KSR1: variants seen among roughly 807,000 people sequenced by gnomAD.
KSR1 encodes kinase suppressor of ras 1, also known as kinase suppressor of ras.
A neutral mutation model predicts 92.9 loss-of-function variants in KSR1; 35 were observed. The ratio of observed to expected loss-of-function variants is 0.38; its 90% CI spans 0.29 to 0.50. KSR1 has a LOEUF of 0.50. KSR1 is among the 20% of genes least tolerant of loss of function. KSR1 has a pLI of 0.94. For synonymous variants in KSR1, 467 were observed against 472.6 expected (o/e 0.99, Z 0.15); for missense variants, 972 against 1,158.5 (o/e 0.84, Z 2.34).
At chr17:27,536,065 C>A (rs2070740304) in intron 1 of KSR1, among the ~76,000 whole-genome samples, 1 of 152,206 alleles carries the variant, frequency 6.6e-6, no homozygotes, top group Non-Finnish European at 1.5e-5. Context: ...GTTGGAGCAG[C>A]GGCTTGTGCT....
chr17:27,470,014 G>GTA (rs1470834961), intron 1 of KSR1, among the ~76,000 whole-genome samples: 4 of 150,230 alleles, frequency 2.7e-5, no homozygotes, highest in Non-Finnish European at 1.5e-5. Flanking sequence ...GTGTGTGTGT[G>GTA]TGTGTGTGTG....
At chr17:27,512,461 G>A (rs546889062) in intron 1 of KSR1, among the ~76,000 whole-genome samples, 3 of 152,170 alleles carry the variant, frequency 2.0e-5, no homozygotes, top group African/African-American at 4.8e-5. Flanking sequence ...AGTGGCTTAC[G>A]CCTGTAATCC....
intron 3 of KSR1, chr17:27,579,838 T>C (rs2072668146): frequency 8.6e-6 from 1 of 116,356 alleles, no homozygotes; most frequent in African/African-American, 3.3e-5. Flanking sequence ...ATCATACCAC[T>C]GCACTCCAGC....
chr17:27,620,451 C>T (rs1812158722), intron 19 of KSR1, among the ~76,000 whole-genome samples: 1 of 152,190 alleles, frequency 6.6e-6, no homozygotes, highest in South Asian at 2.1e-4. Flanking sequence ...TTCCTGGCTC[C>T]TAGTACAGTC....
At chr17:27,619,984 C>T (rs370709755) in intron 19 of KSR1, among the ~76,000 whole-genome samples, 1 of 152,218 alleles carries the variant, frequency 6.6e-6, no homozygotes, top group Non-Finnish European at 1.5e-5. Context: ...AGGCATGAGC[C>T]ACCGCGCCCG....
intron 3 of KSR1, among the ~76,000 whole-genome samples, chr17:27,581,729 C>T (rs571901625): frequency 9.2e-5 from 14 of 152,248 alleles, no homozygotes; most frequent in Admixed American, 8.5e-4. Context: ...CATGCCCATT[C>T]GACTCTACAA....
intron 2 of KSR1, among the ~76,000 whole-genome samples, chr17:27,576,464 CTCTCT>C (rs1294423569): frequency 6.6e-6 from 1 of 152,224 alleles, no homozygotes; most frequent in East Asian, 1.9e-4. Context: ...GGAATGTGGT[CTCTCT>C]TCTCTCTCTC....
intron 5 of KSR1, chr17:27,588,215 A>C (rs1029912784): frequency 3.4e-6 from 1 of 297,408 alleles, no homozygotes; most frequent in African/African-American, 2.2e-5. Flanking sequence ...CCTCATCTGG[A>C]AACATCACAG....
At chr17:27,571,617 C>T (rs2072311060) in intron 2 of KSR1, among the ~76,000 whole-genome samples, 1 of 152,246 alleles carries the variant, frequency 6.6e-6, no homozygotes, top group African/African-American at 2.4e-5. Flanking sequence ...GGATCCCTTT[C>T]ATCACCCATG....
chr17:27,559,806 A>C lies in KSR1; in HGVS notation c.372+9098A>C, dbSNP rs572295020. Among the ~76,000 whole-genome samples the C allele has an allele frequency of 6.6e-6, 1 of 152,282 alleles. No individual in the cohort carries two copies. The highest frequency in any genetic ancestry group is 2.1e-4 in the South Asian group (1 of 4,820). On this transcript the variant is annotated intron_variant, in intron 2 of 20. Transcript: ENST00000644974. This position sits in a 1 kb window ranked among gnomAD's most constrained non-coding sequence, Gnocchi z 4.2. ...TCTGCAGAGACCCTGAGGATGAGGA[A>C]ATCAGAGCGCTTGTGAAGCGCGTGA...
At chr17:27,583,874 C>T (rs962318770) in intron 4 of KSR1, 7 of 387,494 alleles carry the variant, frequency 1.8e-5, no homozygotes, top group East Asian at 1.6e-4. Context: ...TCTCAGGGTA[C>T]GTGGTGAAAA....
At chr17:27,600,458 TA>T (rs921742923) in intron 10 of KSR1, among the ~76,000 whole-genome samples, 3 of 151,816 alleles carry the variant, frequency 2.0e-5, no homozygotes, top group Non-Finnish European at 4.4e-5. Flanking sequence ...AATATATAAA[TA>T]AAAAAAATTT....
intron 1 of KSR1, among the ~76,000 whole-genome samples, chr17:27,538,864 G>A (rs1484482714): frequency 6.6e-6 from 1 of 152,140 alleles, no homozygotes; most frequent in African/African-American, 2.4e-5. Context: ...CCCCTGTCCA[G>A]CCCTTTGTCC....
intron 1 of KSR1, among the ~76,000 whole-genome samples, chr17:27,481,134 G>A (rs2068497571): frequency 6.6e-6 from 1 of 152,160 alleles, no homozygotes; most frequent in Non-Finnish European, 1.5e-5. Context: ...CTGTAAGTTA[G>A]ATACTCAGCT....
intron 1 of KSR1, among the ~76,000 whole-genome samples, chr17:27,475,890 T>C (rs2068327857): frequency 6.6e-6 from 1 of 152,076 alleles, no homozygotes; most frequent in South Asian, 2.1e-4. Flanking sequence ...CGAGGAAAAA[T>C]ACACAGTATT....
intron 4 of KSR1, among the ~76,000 whole-genome samples, chr17:27,585,404 A>G (rs1489990180): frequency 6.6e-6 from 1 of 152,110 alleles, no homozygotes; most frequent in East Asian, 1.9e-4. Flanking sequence ...CTAATGTATT[A>G]AAGTGCACAG....
chr17:27,544,103 A>G (rs2071074764), intron 1 of KSR1, among the ~76,000 whole-genome samples: 1 of 152,192 alleles, frequency 6.6e-6, no homozygotes, highest in African/African-American at 2.4e-5. Context: ...TATTTTTCTC[A>G]TGTAAGCCTT....
intron 1 of KSR1, among the ~76,000 whole-genome samples, chr17:27,510,962 G>C (rs762636932): frequency 2.6e-5 from 4 of 152,170 alleles, no homozygotes; most frequent in Non-Finnish European, 5.9e-5. Flanking sequence ...CAACTGTCTT[G>C]AGAGCAGGGA....
chr17:27,503,411 T>G (rs1294663251), intron 1 of KSR1, among the ~76,000 whole-genome samples: 1 of 152,160 alleles, frequency 6.6e-6, no homozygotes, highest in Non-Finnish European at 1.5e-5. Flanking sequence ...AGGTTGAGAT[T>G]CTCTGATCTA....
Sources: gnomAD v4.1 joint callset for allele counts (sites outside exome capture counted in the v4.1 genomes callset) on GRCh38, gnomAD v4.1.1 for gene constraint, Gnocchi (gnomAD v3.1) non-coding constraint, MANE v1.5 for transcripts, NCBI Gene and HGNC (gene_info 2026-07-23, HGNC 2026-07-21) for gene names.